Variants in GNB1L observed in about 807,000 individuals in gnomAD.
GNB1L encodes guanine nucleotide-binding protein subunit beta-like protein 1.
GNB1L carries 20 observed loss-of-function variants against 29.1 expected under a neutral mutation model. The observed-to-expected ratio is 0.69, with a 90% CI of 0.48 to 1.00. GNB1L has a LOEUF of 1.00. Among genes scored for constraint, GNB1L ranks in the 50% least tolerant of loss-of-function variants. The probability of loss-of-function intolerance (pLI) is 0.00; values close to 1 mark genes in which losing one functional copy is unlikely to be tolerated. For synonymous variants in GNB1L, 193 were observed against 206.5 expected (o/e 0.93, Z 0.56); for missense variants, 421 against 464.9 (o/e 0.91, Z 0.87).
intron 2 of GNB1L, among the ~76,000 whole-genome samples, chr22:19,822,089 G>A (rs939311576): frequency 3.3e-5 from 5 of 152,140 alleles, no homozygotes; most frequent in Non-Finnish European, 7.4e-5. Context: ...CACATCTGCT[G>A]GGCCCCAGGC....
intron 6 of GNB1L, among the ~76,000 whole-genome samples, chr22:19,804,537 T>C (rs1297273841): frequency 2.6e-5 from 4 of 151,750 alleles, no homozygotes; most frequent in East Asian, 1.9e-4. Context: ...AATAAGAATA[T>C]ACTAAAAATT....
chr22:19,832,187 T>G (rs981387803), intron 2 of GNB1L, among the ~76,000 whole-genome samples: 2 of 151,824 alleles, frequency 1.3e-5, no homozygotes, highest in Non-Finnish European at 2.9e-5. Flanking sequence ...AAATATTAGC[T>G]GGGCTGATAG....
chr22:19,830,375 A>G (rs967718685), intron 2 of GNB1L, among the ~76,000 whole-genome samples: 1 of 152,228 alleles, frequency 6.6e-6, no homozygotes, highest in Admixed American at 6.5e-5. Context: ...TTATTTGTAT[A>G]CAATAACAAT....
intron 2 of GNB1L, among the ~76,000 whole-genome samples, chr22:19,844,150 G>A (rs928841489): frequency 1.3e-5 from 2 of 152,346 alleles, no homozygotes; most frequent in South Asian, 4.1e-4. Flanking sequence ...CCAGGTCTGT[G>A]CCGCCCCCTT....
At chr22:19,792,317 G>C in intron 7 of GNB1L, 1 of 868,766 alleles carries the variant, frequency 1.2e-6, no homozygotes, top group Non-Finnish European at 1.9e-6. Flanking sequence ...AGAAGGCCAA[G>C]GGAAAGAAGG....
chr22:19,847,595 T>C (rs994242992), intron 2 of GNB1L: 3 of 983,658 alleles, frequency 3.0e-6, no homozygotes, highest in South Asian at 4.7e-5. Context: ...GTCCCTGCTC[T>C]AAACCCCCAT....
chr22:19,851,502 G>C, intron 2 of GNB1L: 2 of 1,614,176 alleles, frequency 1.2e-6, no homozygotes, highest in East Asian at 2.2e-5. Flanking sequence ...TGCTCGAACA[G>C]AGCACTTCTA....
At position 19,842,188 on chromosome 22, in the gene GNB1L, T is replaced by C. The variant is rs527731296; in HGVS notation, c.-21+12255A>G. On this transcript the variant is annotated intron_variant, in intron 2 of 7. Transcript: ENST00000329517. ...CAGAATCTCAGAACTGTCCGCTGCA[T>C]TGCAGCCTCAGCCAGCGACCCTGAT... is the stretch of plus-strand genomic sequence containing the variant. Among the ~76,000 whole-genome samples the C allele has an allele frequency of 5.3e-5, 8 of 152,362 alleles. No homozygotes were observed. The South Asian group carries it at 1.7e-3, about 32-fold the overall frequency.
Position 19,847,804 on chromosome 22 carries a change from C to A in GNB1L, c.-21+6639G>T, listed in dbSNP as rs73877361. The A allele has an allele frequency of 0.02, 12,075 of 610,950 alleles. 1,402 individuals carry two copies. The African/African-American group carries it at 0.27, about 14-fold the overall frequency. 37.8% of individuals were successfully genotyped at this position (610,950 alleles called of 1,614,324 possible). Reference sequence around the variant, plus strand: ...ACTTTTAAAATCCTGGAATCATAGGCAAAAAAAAAAAAAAAAAAAAATTCA... The same window carrying A: ...ACTTTTAAAATCCTGGAATCATAGGAAAAAAAAAAAAAAAAAAAAAATTCA... On this transcript the variant is annotated intron_variant, in intron 2 of 7. Coordinates refer to ENST00000329517, the MANE Select transcript of GNB1L (RefSeq NM_053004.3).
In GNB1L at chr22:19,816,835, C is replaced by T. The variant is rs1937528361; in HGVS notation, c.254+3763G>A. Among the ~76,000 whole-genome samples, 1 of 152,208 alleles carries T rather than the reference C, an allele frequency of 6.6e-6. No homozygotes were observed. The highest frequency in any genetic ancestry group is 1.5e-5 in the Non-Finnish European group (1 of 68,034). ...TGACATGCCCAACAAGCGAGCCTGC[C>T]ACCTGCCCTCACCAACCTCCTGGCC... On this transcript the variant is annotated intron_variant, in intron 4 of 7. Transcript: ENST00000329517. This position sits in a 1 kb window ranked among gnomAD's most constrained non-coding sequence, Gnocchi z 4.4.
chr22:19,817,825 G>A (rs543558487), intron 4 of GNB1L, among the ~76,000 whole-genome samples: 13 of 152,318 alleles, frequency 8.5e-5, no homozygotes, highest in South Asian at 4.1e-4. Context: ...TCACTCAGCC[G>A]TAATACAATG....
intron 2 of GNB1L, chr22:19,852,309 T>A: frequency 6.4e-7 from 1 of 1,559,444 alleles, no homozygotes; most frequent in Non-Finnish European, 8.7e-7. Context: ...TGGTGGGTGG[T>A]GGGGGTGTGG....
intron 2 of GNB1L, among the ~76,000 whole-genome samples, chr22:19,843,648 C>T (rs1937901337): frequency 1.3e-5 from 2 of 152,158 alleles, no homozygotes; most frequent in Admixed American, 6.5e-5. Flanking sequence ...ACAACTTGGC[C>T]TGAGGCCCAC....
chr22:19,817,559 G>A (rs1245902681), intron 4 of GNB1L, among the ~76,000 whole-genome samples: 1 of 152,234 alleles, frequency 6.6e-6, no homozygotes, highest in Admixed American at 6.5e-5. Context: ...AGCTCACGGA[G>A]ATAAAGTTGA....
rs1937181846 is a variant in GNB1L at position 19,785,235 on chromosome 22, A to T, written c.*3474T>A. The T allele has an allele frequency of 1.3e-5, 2 of 151,954 alleles. No individual in the cohort carries two copies. Among genetic ancestry groups the T allele is most frequent in the Admixed American group, 6.6e-5 (1 of 15,262 alleles). 9.4% of individuals were successfully genotyped at this position (151,954 alleles called of 1,614,324 possible). On this transcript the variant is annotated 3_prime_UTR_variant, in exon 8 of 8. Coordinates refer to ENST00000329517, the MANE Select transcript of GNB1L (RefSeq NM_053004.3). The surrounding 1 kb of genome is among the most constrained non-coding windows in gnomAD (Gnocchi z 4.1). ...GGCAACATAGCGAGACTCCTTCTCT[A>T]TAAAAAAAAATAAAAAATTAGCTGG...
intron 2 of GNB1L, chr22:19,850,886 C>T (rs1044702117): frequency 8.6e-5 from 115 of 1,332,974 alleles, no homozygotes; most frequent in Non-Finnish European, 1.1e-4. Flanking sequence ...ACGACCCCCT[C>T]GTGGGAGCAG....
intron 2 of GNB1L, chr22:19,848,952 C>T: frequency 1.0e-6 from 1 of 985,564 alleles, no homozygotes; most frequent in Non-Finnish European, 1.2e-6. Context: ...GGTTCTACTG[C>T]CAGACCCACA....
chr22:19,846,387 A>C, intron 2 of GNB1L: 2 of 981,038 alleles, frequency 2.0e-6, no homozygotes, highest in Non-Finnish European at 2.4e-6. Flanking sequence ...AGCATCCCAT[A>C]CAGCACAACT....
chr22:19,822,916 C>T (rs947856670), intron 2 of GNB1L, among the ~76,000 whole-genome samples: 20 of 152,208 alleles, frequency 1.3e-4, no homozygotes, highest in Admixed American at 6.5e-5. Context: ...TTACTCTATT[C>T]AGAGCTGGGG....
Sources: allele counts gnomAD v4.1 joint callset (sites outside exome capture counted in the v4.1 genomes callset), GRCh38; gene constraint gnomAD v4.1.1; non-coding constraint Gnocchi (gnomAD v3.1); transcripts MANE v1.5; gene names NCBI Gene and HGNC (gene_info 2026-07-23, HGNC 2026-07-21).